Variants in LIPA observed in about 807,000 individuals in gnomAD.
LIPA encodes lipase A, lysosomal acid type, also known as lysosomal acid lipase/cholesteryl ester hydrolase.
LIPA carries 26 observed loss-of-function variants against 40.6 expected under a neutral mutation model. That is an observed-to-expected ratio of 0.64 (90% CI 0.47 to 0.89). LIPA has a LOEUF of 0.89. Ranked by LOEUF, LIPA falls within the 40% of genes least tolerant of loss-of-function variation. The pLI is 0.00. For missense variants in LIPA, 455 were observed against 479.6 expected (o/e 0.95, Z 0.48); for synonymous variants, 188 against 168.4 (o/e 1.12, Z -0.90).
chr10:89,288,235 C>T (rs1225397409), intron 1 of LIPA, among the ~76,000 whole-genome samples: 13 of 152,118 alleles, frequency 8.5e-5, no homozygotes, highest in Admixed American at 7.9e-4. Flanking sequence ...CAACTGCTTT[C>T]CTTCCTAGGC....
intron 1 of LIPA, among the ~76,000 whole-genome samples, chr10:89,330,526 G>C (rs1207806715): frequency 6.6e-6 from 1 of 152,202 alleles, no homozygotes; most frequent in Non-Finnish European, 1.5e-5. Context: ...CCATGCCTTA[G>C]AGTGGCCAAA....
At chr10:89,358,121 A>C (rs1843999522) in intron 2 of LIPA, among the ~76,000 whole-genome samples, 1 of 152,220 alleles carries the variant, frequency 6.6e-6, no homozygotes, top group African/African-American at 2.4e-5. Context: ...GTCTGCAGGA[A>C]GGACAGAGAC....
At chr10:89,358,313 G>A (rs1844000511) in intron 2 of LIPA, among the ~76,000 whole-genome samples, 1 of 152,124 alleles carries the variant, frequency 6.6e-6, no homozygotes, top group South Asian at 2.1e-4. Context: ...GCAGAGAATG[G>A]GGAACCTTAT....
intron 1 of LIPA, among the ~76,000 whole-genome samples, chr10:89,323,909 A>G (rs1843585785): frequency 6.6e-6 from 1 of 152,250 alleles, no homozygotes; most frequent in Admixed American, 6.5e-5. Flanking sequence ...CAGTCTTCAT[A>G]GAATTAGAAA....
intron 1 of LIPA, among the ~76,000 whole-genome samples, chr10:89,304,129 T>TAAAC (rs1194336268): frequency 6.6e-6 from 1 of 152,094 alleles, no homozygotes; most frequent in Non-Finnish European, 1.5e-5. Context: ...CCAGGCAGAA[T>TAAAC]AAACAAACAA....
chr10:89,230,539 C>G (rs1028061526), intron 3 of LIPA, among the ~76,000 whole-genome samples: 1 of 152,148 alleles, frequency 6.6e-6, no homozygotes, highest in Non-Finnish European at 1.5e-5. Flanking sequence ...CTCCTGGACT[C>G]AAGCGATCCA....
intron 2 of LIPA, among the ~76,000 whole-genome samples, chr10:89,408,616 C>T (rs1318248053): frequency 1.3e-5 from 2 of 152,158 alleles, no homozygotes; most frequent in African/African-American, 4.8e-5. Flanking sequence ...ATGTCCCCTG[C>T]TCCCTCTCTG....
intron 1 of LIPA, among the ~76,000 whole-genome samples, 183 bp downstream of exon 1, chr10:89,251,554 G>A (rs1232666327): frequency 6.6e-6 from 1 of 152,212 alleles, no homozygotes; most frequent in Non-Finnish European, 1.5e-5. Flanking sequence ...TTGATTGGCA[G>A]ATGCCTTGAG....
At chr10:89,302,198 A>G (rs1322787302) in intron 1 of LIPA, 1 of 1,548,066 alleles carries the variant, frequency 6.5e-7, no homozygotes, top group African/African-American at 1.4e-5. Flanking sequence ...CTGAGAAGCT[A>G]TGTTCCCAAA....
chr10:89,243,109 G>A (rs1303213184), intron 3 of LIPA, among the ~76,000 whole-genome samples: 8 of 152,162 alleles, frequency 5.3e-5, no homozygotes, highest in South Asian at 2.1e-4. Flanking sequence ...AGAAGAGGAC[G>A]CGTTTCACTT....
chr10:89,380,124 C>G (rs1171378614), intron 2 of LIPA, among the ~76,000 whole-genome samples: 1 of 152,028 alleles, frequency 6.6e-6, no homozygotes, highest in Non-Finnish European at 1.5e-5. Context: ...GCCTTGGTAG[C>G]TAGTCTATGT....
intron 1 of LIPA, among the ~76,000 whole-genome samples, chr10:89,336,325 G>T (rs988495108): frequency 2.6e-5 from 4 of 152,148 alleles, no homozygotes; most frequent in African/African-American, 9.7e-5. Context: ...AAAGGAAAAG[G>T]ACTGTCCCCA....
chr10:89,273,752 A>G (rs1484485253), intron 1 of LIPA, among the ~76,000 whole-genome samples: 1 of 152,208 alleles, frequency 6.6e-6, no homozygotes, highest in African/African-American at 2.4e-5. Flanking sequence ...AAGAAGGCAG[A>G]TTTGAAATAA....
intron 1 of LIPA, among the ~76,000 whole-genome samples, chr10:89,323,431 C>T (rs2133533904): frequency 6.6e-6 from 1 of 151,980 alleles, no homozygotes; most frequent in Non-Finnish European, 1.5e-5. Flanking sequence ...GTACTGCTAG[C>T]ATGAGCAAGC....
At chr10:89,311,498 CTGGGTGACAGAG>C (rs1299733810) in intron 1 of LIPA, among the ~76,000 whole-genome samples, 5 of 134,862 alleles carry the variant, frequency 3.7e-5, no homozygotes, top group Non-Finnish European at 7.7e-5. Context: ...GCACTCCAGC[CTGGGTGACAGAG>C]GTAGACCCTG....
At chr10:89,379,932 G>A (rs1251697936) in intron 2 of LIPA, among the ~76,000 whole-genome samples, 1 of 152,056 alleles carries the variant, frequency 6.6e-6, no homozygotes, top group Non-Finnish European at 1.5e-5. Flanking sequence ...CTACTCAGGA[G>A]GCTGAGGCAG....
chr10:89,225,057 CG>C, intron 6 of LIPA, 34 bp downstream of exon 6: 2 of 1,610,518 alleles, frequency 1.2e-6, no homozygotes, highest in African/African-American at 1.3e-5. Context: ...AGGAAATCTG[CG>C]GGGAGAGGAG....
intron 1 of LIPA, among the ~76,000 whole-genome samples, chr10:89,309,535 G>A (rs139930906): frequency 2.6e-5 from 4 of 152,250 alleles, no homozygotes; most frequent in Admixed American, 6.5e-5. Flanking sequence ...AACACCACAC[G>A]TATTCTGAGT....
chr10:89,329,370 A>G (rs1843628354), intron 1 of LIPA, among the ~76,000 whole-genome samples: 1 of 152,208 alleles, frequency 6.6e-6, no homozygotes, highest in South Asian at 2.1e-4. Flanking sequence ...GGGATTGACC[A>G]GAGAGCAAGG....
Sources: gnomAD v4.1 joint callset for allele counts (sites outside exome capture counted in the v4.1 genomes callset) on GRCh38, gnomAD v4.1.1 for gene constraint, MANE v1.5 for transcripts, NCBI Gene and HGNC (gene_info 2026-07-23, HGNC 2026-07-21) for gene names.